The following ARHGEF37 variants were observed in gnomAD, a reference collection of about 807,000 sequenced individuals.
The protein encoded by ARHGEF37 is Rho guanine nucleotide exchange factor (GEF) 37.
ARHGEF37 carries 55 observed loss-of-function variants against 71.1 expected under a neutral mutation model. That is an observed-to-expected ratio of 0.77 (90% CI 0.62 to 0.97). The LOEUF (loss-of-function observed/expected upper bound fraction) is 0.97. ARHGEF37 is among the 50% of genes least tolerant of loss of function. The pLI is 0.00. For missense variants in ARHGEF37, 765 were observed against 836.8 expected (o/e 0.91, Z 1.06); for synonymous variants, 327 against 350.6 (o/e 0.93, Z 0.75).
At chr5:149,613,911 G>A (rs932787053) in intron 4 of ARHGEF37, among the ~76,000 whole-genome samples, 4 of 151,860 alleles carry the variant, frequency 2.6e-5, no homozygotes, top group African/African-American at 9.7e-5. Flanking sequence ...CTACAGGTGT[G>A]TGCCACCACA....
intron 1 of ARHGEF37, among the ~76,000 whole-genome samples, chr5:149,562,849 T>C (rs1762850727): frequency 6.6e-6 from 1 of 152,224 alleles, no homozygotes; most frequent in Admixed American, 6.5e-5. Flanking sequence ...CAGAGCTTTC[T>C]GCCTGTTCTA....
intron 3 of ARHGEF37, among the ~76,000 whole-genome samples, chr5:149,605,844 A>T (rs1245746023): frequency 1.3e-5 from 2 of 152,172 alleles, no homozygotes; most frequent in Admixed American, 6.5e-5. Context: ...TTAGTATTTG[A>T]ACCCAGCTCT....
At chr5:149,629,673 G>A (rs1752820098) in intron 12 of ARHGEF37, among the ~76,000 whole-genome samples, 2 of 152,236 alleles carry the variant, frequency 1.3e-5, no homozygotes, top group Non-Finnish European at 2.9e-5. Flanking sequence ...CAGGCCAGCA[G>A]GGCCTTGTGG....
In ARHGEF37 at chr5:149,634,667, A is replaced by C. The variant is rs1286189450; in HGVS notation, c.*2476A>C. 1 of 152,560 alleles carries C rather than the reference A, an allele frequency of 6.6e-6. No homozygotes were observed. The highest frequency in any genetic ancestry group is 1.5e-5 in the Non-Finnish European group (1 of 68,028). The allele number at this position is 152,560 out of a possible 1,614,324, so 9.5% of individuals were successfully genotyped here. A position where few individuals can be genotyped will look rare whatever the true frequency, so the allele number is the denominator to read the frequency against. On this transcript the variant is annotated 3_prime_UTR_variant, in exon 13 of 13. Transcript: ENST00000333677. ...CCTTTTCCCTCTCCAAATGCCTAGA[A>C]CCATGGCACTGTGTCTTATTTATTT...
chr5:149,597,410 C>T (rs917919978), intron 1 of ARHGEF37, among the ~76,000 whole-genome samples: 1 of 152,090 alleles, frequency 6.6e-6, no homozygotes, highest in African/African-American at 2.4e-5. Flanking sequence ...AGGAGCCCGC[C>T]ACCATGCCTG....
intron 1 of ARHGEF37, among the ~76,000 whole-genome samples, chr5:149,552,877 T>G (rs1580875343): frequency 6.6e-6 from 1 of 152,030 alleles, no homozygotes. Context: ...ATGTGAAGAA[T>G]TTTAACTGCA....
At chr5:149,600,161 G>A (rs538829588) in intron 2 of ARHGEF37, among the ~76,000 whole-genome samples, 50 of 152,272 alleles carry the variant, frequency 3.3e-4, no homozygotes, top group African/African-American at 1.2e-3. Context: ...TAGTATTTAT[G>A]TATCTAAACA....
At chr5:149,624,727 T>C (rs1401656493) in intron 10 of ARHGEF37, among the ~76,000 whole-genome samples, 3 of 152,104 alleles carry the variant, frequency 2.0e-5, no homozygotes, top group Non-Finnish European at 4.4e-5. Flanking sequence ...CAAGCAAAGG[T>C]ATCCTTTTCC....
At chr5:149,625,562 G>A (rs916368415) in intron 10 of ARHGEF37, among the ~76,000 whole-genome samples, 2 of 152,200 alleles carry the variant, frequency 1.3e-5, no homozygotes, top group Admixed American at 6.5e-5. Context: ...CCTGATATCC[G>A]CCACAAGGCT....
chr5:149,619,363 G>T (rs1752469899), intron 7 of ARHGEF37, among the ~76,000 whole-genome samples: 1 of 152,214 alleles, frequency 6.6e-6, no homozygotes, highest in African/African-American at 2.4e-5. Flanking sequence ...GGCCAGGCAG[G>T]TAATGCTACT....
intron 2 of ARHGEF37, among the ~76,000 whole-genome samples, chr5:149,599,434 C>CTTAT (rs57745588): frequency 2.5e-4 from 37 of 147,900 alleles, no homozygotes; most frequent in Admixed American, 5.4e-4. Flanking sequence ...CCAAGGCAAA[C>CTTAT]TTATTTATTT....
At chr5:149,571,243 AGTTTTGTTTT>A (rs564646114) in intron 1 of ARHGEF37, among the ~76,000 whole-genome samples, 7 of 151,790 alleles carry the variant, frequency 4.6e-5, no homozygotes, top group African/African-American at 1.7e-4. Context: ...CGTCCGGCCA[AGTTTTGTTTT>A]GTTTTGTTTT....
At chr5:149,589,681 G>A (rs1159402936) in intron 1 of ARHGEF37, among the ~76,000 whole-genome samples, 4 of 152,012 alleles carry the variant, frequency 2.6e-5, no homozygotes, top group Non-Finnish European at 5.9e-5. Flanking sequence ...TGTATTTTTA[G>A]TAGAGACAGG....
upstream of ARHGEF37, among the ~76,000 whole-genome samples, chr5:149,581,184 G>T (rs1433630890): frequency 1.3e-5 from 2 of 152,186 alleles, no homozygotes; most frequent in Admixed American, 6.5e-5. Context: ...TAATACCGGG[G>T]TCAGCATTCC....
At chr5:149,552,027 C>T (rs992710776) in exon 1 of ARHGEF37, 4 of 152,096 alleles carry the variant, frequency 2.6e-5, no homozygotes, top group African/African-American at 9.7e-5. Flanking sequence ...CCTCTTTCCA[C>T]AGGAGGGGAA....
At chr5:149,553,971 C>T (rs1762718212) in intron 1 of ARHGEF37, among the ~76,000 whole-genome samples, 1 of 151,412 alleles carries the variant, frequency 6.6e-6, no homozygotes, top group Non-Finnish European at 1.5e-5. Flanking sequence ...AGTTCGAGAC[C>T]ATCCTGGCCA....
At chr5:149,556,473 C>T (rs945307798) in intron 1 of ARHGEF37, among the ~76,000 whole-genome samples, 3 of 152,088 alleles carry the variant, frequency 2.0e-5, no homozygotes, top group Non-Finnish European at 2.9e-5. Flanking sequence ...CTGCAACCTT[C>T]GCCTCCCAGG....
intron 1 of ARHGEF37, among the ~76,000 whole-genome samples, chr5:149,582,802 TA>T (rs559381745): frequency 2.6e-4 from 38 of 147,528 alleles, no homozygotes; most frequent in African/African-American, 3.7e-4. Flanking sequence ...TTTAATTAAT[TA>T]AAAAAAAAAG....
rs1752923928 is a variant in ARHGEF37 at position 149,632,751 on chromosome 5, A to G, written c.*560A>G. ...GGGAGCCCTCTCAAGTGGGGAAGCCATGGATTTATCGGTGTAGCAGAGAGG... is the reference window on the plus strand; with the variant it reads ...GGGAGCCCTCTCAAGTGGGGAAGCCGTGGATTTATCGGTGTAGCAGAGAGG... On this transcript the variant is annotated 3_prime_UTR_variant, in exon 13 of 13. Transcript: ENST00000333677. The G allele has an allele frequency of 6.3e-6, 1 of 159,224 alleles. No individual in the cohort carries two copies. The highest frequency in any genetic ancestry group is 1.9e-4 in the South Asian group (1 of 5,340). 9.9% of individuals were successfully genotyped at this position (159,224 alleles called of 1,614,324 possible).
Sources: allele counts gnomAD v4.1 joint callset (sites outside exome capture counted in the v4.1 genomes callset), GRCh38; gene constraint gnomAD v4.1.1; transcripts MANE v1.5; gene names NCBI Gene and HGNC (gene_info 2026-07-23, HGNC 2026-07-21).